The following TRIM44 variants were observed in gnomAD, a reference collection of about 807,000 sequenced individuals.
TRIM44 encodes tripartite motif containing 44.
A neutral mutation model predicts 37.4 loss-of-function variants in TRIM44; 13 were observed. The observed-to-expected ratio is 0.35, with a 90% CI of 0.23 to 0.55. The LOEUF (loss-of-function observed/expected upper bound fraction) is 0.55. TRIM44 is among the 20% of genes least tolerant of loss of function. The pLI, the probability that TRIM44 is intolerant of heterozygous loss-of-function variation, is 0.89. For synonymous variants in TRIM44, 175 were observed against 157.2 expected (o/e 1.11, Z -0.85); for missense variants, 426 against 437.2 (o/e 0.97, Z 0.23).
At chr11:35,770,918 TC>T (rs1852860703) in intron 4 of TRIM44, among the ~76,000 whole-genome samples, 1 of 152,120 alleles carries the variant, frequency 6.6e-6, no homozygotes, top group South Asian at 2.1e-4. Context: ...ATCTGAGGCC[TC>T]CCCAGCCATG....
intron 4 of TRIM44, among the ~76,000 whole-genome samples, chr11:35,758,520 G>A (rs1404752552): frequency 6.6e-6 from 1 of 152,136 alleles, no homozygotes; most frequent in African/African-American, 2.4e-5. Flanking sequence ...ATATTGTTAT[G>A]TGTGAATTTG....
At chr11:35,740,653 C>T (rs954313631) in intron 4 of TRIM44, among the ~76,000 whole-genome samples, 1 of 152,150 alleles carries the variant, frequency 6.6e-6, no homozygotes, top group African/African-American at 2.4e-5. Flanking sequence ...GTCAGCAGAC[C>T]TAGCTTCTAT....
chr11:35,803,637 C>T, intron 4 of TRIM44, among the ~76,000 whole-genome samples: 1 of 152,144 alleles, frequency 6.6e-6, no homozygotes, highest in East Asian at 1.9e-4. Context: ...AGGAGAATCG[C>T]TTGAACCCGG....
Position 35,685,315 on chromosome 11 carries a change from G to T in TRIM44, c.726G>T (p.Lys242Asn), listed in dbSNP as rs894054607. ...TGATCGAATTGGTGGAAAGGTTGAAGTTCAAGAGCTCAGACCCTAAAGTAA... is the reference window on the plus strand; with the variant it reads ...TGATCGAATTGGTGGAAAGGTTGAATTTCAAGAGCTCAGACCCTAAAGTAA... ...AAMIELVERL[K>N]FKSSDPKVTR... Residue 242 changes from lysine (K) to asparagine (N), a missense_variant, in exon 2 of 5, where the codon AAG (lysine) becomes AAT (asparagine). Transcript: ENST00000299413. The T allele has an allele frequency of 1.1e-5, 18 of 1,614,222 alleles. No individual in the cohort carries two copies. The highest frequency in any genetic ancestry group is 1.5e-5 in the Non-Finnish European group (18 of 1,180,026).
intron 4 of TRIM44, among the ~76,000 whole-genome samples, chr11:35,797,588 A>G (rs1333938039): frequency 6.6e-6 from 1 of 152,194 alleles, no homozygotes; most frequent in Non-Finnish European, 1.5e-5. Flanking sequence ...ATATGATGTA[A>G]TGATAATGGC....
At chr11:35,704,908 A>G (rs1328090529) in intron 2 of TRIM44, among the ~76,000 whole-genome samples, 5 of 151,402 alleles carry the variant, frequency 3.3e-5, no homozygotes, top group Admixed American at 2.6e-4. Flanking sequence ...TTCACACATA[A>G]CAATATTAAC....
At chr11:35,751,398 A>G (rs760178294) in intron 4 of TRIM44, among the ~76,000 whole-genome samples, 4 of 152,184 alleles carry the variant, frequency 2.6e-5, no homozygotes, top group Non-Finnish European at 5.9e-5. Flanking sequence ...TGTGTGAGAA[A>G]TTTCTCTAAT....
At chr11:35,774,144 A>C (rs536755369) in intron 4 of TRIM44, among the ~76,000 whole-genome samples, 1 of 152,228 alleles carries the variant, frequency 6.6e-6, no homozygotes, top group Non-Finnish European at 1.5e-5. Flanking sequence ...TTGTTTCCTG[A>C]CTTTTTAATA....
intron 1 of TRIM44, among the ~76,000 whole-genome samples, chr11:35,678,113 A>G (rs774425196): frequency 1.3e-5 from 2 of 152,226 alleles, no homozygotes; most frequent in African/African-American, 2.4e-5. Flanking sequence ...AGATGAGGTC[A>G]GATTACCAAG....
In TRIM44 at chr11:35,727,507, GATTA is replaced by G. The variant is rs539944976; in HGVS notation, c.987+1348_987+1351del. ...TCTGCTATACCCATCCAGGGCTTTT[GATTA>G]ATTTTCATCAATGTGTGAAAAGAAT... On this transcript the variant is annotated intron_variant, in intron 3 of 4. Transcript: ENST00000299413. Among the ~76,000 whole-genome samples, 303 of 152,226 alleles carry G rather than the reference GATTA, an allele frequency of 2.0e-3. 1 individual carries two copies. Among genetic ancestry groups the G allele is most frequent in the African/African-American group, 7.0e-3 (292 of 41,538 alleles).
chr11:35,742,465 T>A (rs1436273293), intron 4 of TRIM44, among the ~76,000 whole-genome samples: 8 of 133,562 alleles, frequency 6.0e-5, no homozygotes, highest in African/African-American at 2.3e-4. Flanking sequence ...TTAATTACAA[T>A]TAATATAATT....
chr11:35,750,270 C>T (rs1852543584), intron 4 of TRIM44, among the ~76,000 whole-genome samples: 1 of 152,192 alleles, frequency 6.6e-6, no homozygotes, highest in Admixed American at 6.5e-5. Flanking sequence ...TGAATGGTCT[C>T]TCCTCCACAT....
At chr11:35,751,583 G>A (rs1044320966) in intron 4 of TRIM44, among the ~76,000 whole-genome samples, 2 of 152,178 alleles carry the variant, frequency 1.3e-5, no homozygotes, top group African/African-American at 4.8e-5. Context: ...TAAGAATCAA[G>A]TAATGATAGT....
chr11:35,704,704 C>T (rs1418008455), intron 2 of TRIM44, among the ~76,000 whole-genome samples: 1 of 152,154 alleles, frequency 6.6e-6, no homozygotes, highest in Non-Finnish European at 1.5e-5. Context: ...TACAGACAAG[C>T]AAATGCTGAG....
Position 35,693,898 on chromosome 11 carries a change from G to A in TRIM44, c.747+8562G>A, listed in dbSNP as rs986013688. Among the ~76,000 whole-genome samples, 8 of 152,260 alleles carry A rather than the reference G, an allele frequency of 5.3e-5. No homozygotes were observed. In the South Asian group the frequency reaches 1.3e-3, roughly 24 times the overall value. On this transcript the variant is annotated intron_variant, in intron 2 of 4. Transcript: ENST00000299413. The stretch of plus-strand genomic sequence containing the variant: ...ACGTTGGAAAGAATAGAGTGCGCTA[G>A]GGAGACTATTATGACTATTGGGAGG...
At chr11:35,738,330 C>G (rs1852350907) in intron 4 of TRIM44, among the ~76,000 whole-genome samples, 1 of 151,920 alleles carries the variant, frequency 6.6e-6, no homozygotes, top group Non-Finnish European at 1.5e-5. Context: ...ACCTTTGTAT[C>G]ATTTTGACAA....
At chr11:35,774,927 C>T (rs1041027777) in intron 4 of TRIM44, among the ~76,000 whole-genome samples, 2 of 152,132 alleles carry the variant, frequency 1.3e-5, no homozygotes, top group African/African-American at 4.8e-5. Flanking sequence ...GTTCTTTTGG[C>T]TTAGGATTGT....
At chr11:35,789,184 G>A (rs1794849397) in intron 4 of TRIM44, among the ~76,000 whole-genome samples, 1 of 152,138 alleles carries the variant, frequency 6.6e-6, no homozygotes, top group Non-Finnish European at 1.5e-5. Flanking sequence ...TTTAAGTAGT[G>A]AGTGGGTGAG....
At chr11:35,709,768 C>G (rs533267775) in intron 2 of TRIM44, among the ~76,000 whole-genome samples, 3 of 152,316 alleles carry the variant, frequency 2.0e-5, no homozygotes, top group South Asian at 4.1e-4. Flanking sequence ...ACTCAGCACT[C>G]CTGGGGGTCG....
Sources: allele counts gnomAD v4.1 joint callset (sites outside exome capture counted in the v4.1 genomes callset), GRCh38; gene constraint gnomAD v4.1.1; transcripts MANE v1.5; gene names NCBI Gene and HGNC (gene_info 2026-07-23, HGNC 2026-07-21).